The following PLXNA2 variants were observed in gnomAD, a reference collection of about 807,000 sequenced individuals.
PLXNA2 encodes the protein plexin-A2.
PLXNA2 carries 91 observed loss-of-function variants against 193.5 expected under a neutral mutation model. That is an observed-to-expected ratio of 0.47 (90% CI 0.40 to 0.56). PLXNA2 has a LOEUF of 0.56. Among genes scored for constraint, PLXNA2 ranks in the 20% least tolerant of loss-of-function variants. PLXNA2 has a pLI of 0.00. For missense variants in PLXNA2, 1,995 were observed against 2,503.2 expected (o/e 0.80, Z 4.33); for synonymous variants, 997 against 1,027.3 (o/e 0.97, Z 0.56).
intron 3 of PLXNA2, among the ~76,000 whole-genome samples, chr1:208,187,692 C>G (rs374884456): frequency 6.6e-6 from 1 of 152,140 alleles, no homozygotes; most frequent in South Asian, 2.1e-4. Context: ...GCACAATGAC[C>G]AGGATCTTGT....
At chr1:208,199,761 C>G (rs1670481043) in intron 3 of PLXNA2, among the ~76,000 whole-genome samples, 1 of 152,068 alleles carries the variant, frequency 6.6e-6, no homozygotes, top group African/African-American at 2.4e-5. Context: ...ATTCAAAAAC[C>G]TGGGTTCCAG....
At chr1:208,242,505 G>T (rs1672091025) in intron 1 of PLXNA2, among the ~76,000 whole-genome samples, 1 of 152,202 alleles carries the variant, frequency 6.6e-6, no homozygotes, top group South Asian at 2.1e-4. Context: ...TCAAACTGAT[G>T]CTGCCTTCAT....
rs1449124930 is a variant in PLXNA2, at chr1:208,022,988, G to A, written c.*4255C>T. The A allele has an allele frequency of 6.6e-6, 1 of 152,148 alleles. No individual in the cohort carries two copies. The highest frequency in any genetic ancestry group is 2.4e-5 in the African/African-American group (1 of 41,428). The allele number at this position is 152,148 out of a possible 1,614,324, so 9.4% of individuals were successfully genotyped here. On this transcript the variant is annotated 3_prime_UTR_variant, in exon 32 of 32. Coordinates refer to ENST00000367033, the MANE Select transcript of PLXNA2 (RefSeq NM_025179.4). ...TGAAACTTTATCCCTCATTCATGGG[G>A]ATCACTGAGCTCCAGATACTAAAAC...
intron 29 of PLXNA2, chr1:208,030,592 G>T (rs1664471593): frequency 1.0e-6 from 1 of 985,416 alleles, no homozygotes. Flanking sequence ...ACAAGACCCG[G>T]GAGGAGGAAG....
chr1:208,162,082 C>T (rs934318140), intron 3 of PLXNA2, among the ~76,000 whole-genome samples: 1 of 152,112 alleles, frequency 6.6e-6, no homozygotes, highest in African/African-American at 2.4e-5. Context: ...GCTTGTAGCT[C>T]CTTAGAGCTC....
Position 208,152,710 on chromosome 1 carries a change from CA to C in PLXNA2, c.1372-10248del, listed in dbSNP as rs1407709399. Among the ~76,000 whole-genome samples, 743 of 151,940 alleles carry C rather than the reference CA, an allele frequency of 4.9e-3. 6 individuals are homozygous for C. Among genetic ancestry groups the C allele is most frequent in the African/African-American group, 0.018 (731 of 41,400 alleles). On this transcript the variant is annotated intron_variant, in intron 3 of 31. Transcript: ENST00000367033. Reference sequence around the variant, plus strand: ...ACACACACACACACACACACACACACACACACACCACCTTCAATTGTCCCCT... The same window carrying C: ...ACACACACACACACACACACACACACCACACACCACCTTCAATTGTCCCCT...
In PLXNA2 at chr1:208,067,655, A is replaced by G. The variant is rs754226318; in HGVS notation, c.2587-6818T>C. Among the ~76,000 whole-genome samples, 3 of 152,300 alleles carry G rather than the reference A, an allele frequency of 2.0e-5. No homozygotes were observed. In the South Asian group the frequency reaches 6.2e-4, roughly 32 times the overall value. ...ACTTACCATTGTGTTACAATCGCCC[A>G]TGGTGTTCAGGACCAGTCACATGCA... On this transcript the variant is annotated intron_variant, in intron 12 of 31. Transcript: ENST00000367033.
chr1:208,161,378 G>T (rs146222634), intron 3 of PLXNA2, among the ~76,000 whole-genome samples: 2 of 152,156 alleles, frequency 1.3e-5, no homozygotes, highest in East Asian at 3.9e-4. Flanking sequence ...AGAAGAAAAG[G>T]CTTTATTTTA....
intron 3 of PLXNA2, among the ~76,000 whole-genome samples, chr1:208,159,804 A>G (rs1197438540): frequency 6.6e-6 from 1 of 152,218 alleles, no homozygotes; most frequent in Non-Finnish European, 1.5e-5. Context: ...AGGAAGGGGC[A>G]GGAACTGAAG....
chr1:208,238,124 AG>A (rs1333381254), intron 1 of PLXNA2, among the ~76,000 whole-genome samples: 1 of 152,122 alleles, frequency 6.6e-6, no homozygotes, highest in Admixed American at 6.5e-5. Context: ...GGGAGGTGCT[AG>A]GGTTCCTCTG....
intron 1 of PLXNA2, among the ~76,000 whole-genome samples, chr1:208,237,503 C>T (rs1272033): frequency 0.56 from 84,892 of 152,010 alleles, 23,889 homozygotes; most frequent in Middle Eastern, 0.67. Flanking sequence ...GAGTCCTTGC[C>T]GTAGGATATT....
chr1:208,174,024 G>A (rs954518524), intron 3 of PLXNA2, among the ~76,000 whole-genome samples: 3 of 152,226 alleles, frequency 2.0e-5, no homozygotes, highest in Non-Finnish European at 4.4e-5. Flanking sequence ...CTGAGATAGC[G>A]CTTTGAAAAG....
intron 17 of PLXNA2, among the ~76,000 whole-genome samples, chr1:208,048,934 C>T (rs375582483): frequency 6.6e-6 from 1 of 152,198 alleles, no homozygotes; most frequent in East Asian, 1.9e-4. Flanking sequence ...ACGAACCAAT[C>T]CAGACCCCAC....
At chr1:208,076,480 T>A (rs1311435884) in intron 12 of PLXNA2, among the ~76,000 whole-genome samples, 2 of 152,314 alleles carry the variant, frequency 1.3e-5, no homozygotes, top group Middle Eastern at 3.4e-3. Context: ...ATGTTCTTGC[T>A]CAAATTGCCC....
At position 208,025,734 on chromosome 1, in the gene PLXNA2, C is replaced by T. The variant is rs1664324374; in HGVS notation, c.*1509G>A. ...GGGGCCTTTGGACCTGGGCATGGAGCTTTGGTCTCTTTGTTTGGAATCTAC... is the reference window on the plus strand; with the variant it reads ...GGGGCCTTTGGACCTGGGCATGGAGTTTTGGTCTCTTTGTTTGGAATCTAC... On this transcript the variant is annotated 3_prime_UTR_variant, in exon 32 of 32. Transcript: ENST00000367033. The T allele has an allele frequency of 6.6e-6, 1 of 151,076 alleles. No individual in the cohort carries two copies. Among genetic ancestry groups the T allele is most frequent in the South Asian group, 2.1e-4 (1 of 4,714 alleles). 9.4% of individuals were successfully genotyped at this position (151,076 alleles called of 1,614,324 possible).
intron 3 of PLXNA2, among the ~76,000 whole-genome samples, chr1:208,165,710 C>A (rs1450249773): frequency 6.6e-6 from 1 of 152,208 alleles, no homozygotes; most frequent in African/African-American, 2.4e-5. Flanking sequence ...TCCACTCCCT[C>A]AGGACCAGAA....
chr1:208,194,845 C>T (rs1449784821), intron 3 of PLXNA2, among the ~76,000 whole-genome samples: 1 of 152,164 alleles, frequency 6.6e-6, no homozygotes, highest in African/African-American at 2.4e-5. Flanking sequence ...GTTTTCTTTT[C>T]CCAAGGGCAC....
Position 208,025,692 on chromosome 1 carries a change from C to T in PLXNA2, c.*1551G>A, listed in dbSNP as rs529400384. On this transcript the variant is annotated 3_prime_UTR_variant, in exon 32 of 32. Transcript: ENST00000367033. ...CACAGAGCGCCTTTCCTCTCGATGA[C>T]TCCCACTGGCTTCTATGGGGCCTTT... 4.6e-5 allele frequency: 7 copies of T among 152,396 alleles called. No individual in the cohort carries two copies. The South Asian group carries it at 1.4e-3, about 32-fold the overall frequency. 9.4% of individuals were successfully genotyped at this position (152,396 alleles called of 1,614,324 possible).
chr1:208,217,406 C>T lies in PLXNA2; in HGVS notation c.517G>A (p.Val173Met), dbSNP rs1481572425. The T allele has an allele frequency of 6.2e-7, 1 of 1,614,152 alleles. No homozygotes were observed. The highest frequency in any genetic ancestry group is 1.3e-5 in the African/African-American group (1 of 75,028). ...NKTGTMYGVIVRSEGEDGKLF... is the reference protein window; with the variant it reads ...NKTGTMYGVIMRSEGEDGKLF... ...TTGCCATCCTCACCCTCAGAGCGCACAATCACCCCGTACATGGTGCCCGTC... is the reference window on the plus strand; with the variant it reads ...TTGCCATCCTCACCCTCAGAGCGCATAATCACCCCGTACATGGTGCCCGTC... The change falls in exon 2 of 32, where the codon GTG (valine) becomes ATG (methionine). Residue 173 changes from valine (V) to methionine (M), a missense_variant. Val to Met is a conservative substitution (Grantham distance 21, BLOSUM62 1). Around this residue, in one of 3 missense-constraint regions of PLXNA2, gnomAD observed 702 missense variants for 812.9 expected, o/e 0.86. Transcript: ENST00000367033. The surrounding 1 kb of genome is among the most constrained non-coding windows in gnomAD (Gnocchi z 4.7).
Sources: gnomAD v4.1 joint callset for allele counts (sites outside exome capture counted in the v4.1 genomes callset) on GRCh38, gnomAD v4.1.1 for gene constraint, gnomAD v4.1.1 regional missense constraint, Gnocchi (gnomAD v3.1) non-coding constraint, MANE v1.5 for transcripts, NCBI Gene and HGNC (gene_info 2026-07-23, HGNC 2026-07-21) for gene names.